Variants in CCDC13 observed in about 807,000 individuals in gnomAD.
CCDC13 encodes coiled-coil domain containing 13, also known as coiled-coil domain-containing protein 13.
Under a neutral mutation model 87.3 loss-of-function variants are expected in CCDC13, and 70 were observed. That is an observed-to-expected ratio of 0.80 (90% confidence interval 0.66 to 0.98). The LOEUF is 0.98. Among genes scored for constraint, CCDC13 ranks in the 50% least tolerant of loss-of-function variants. The probability of loss-of-function intolerance (pLI) is 0.00; values close to 1 mark genes in which losing one functional copy is unlikely to be tolerated. For synonymous variants in CCDC13, 317 were observed against 360.3 expected, an observed-to-expected ratio of 0.88 and a Z score of 1.36; for missense variants, 842 against 892.0, an observed-to-expected ratio of 0.94 and a Z score of 0.71.
At chr3:42,754,445 G>A (rs1699660782) in intron 3 of CCDC13, among the ~76,000 whole-genome samples, 1 of 152,172 alleles carries the variant, frequency 6.6e-6, no homozygotes. Flanking sequence ...TTGTGTGTCA[G>A]GAGGGTAACG....
At chr3:42,737,022 T>A (rs1699044508) in intron 9 of CCDC13, among the ~76,000 whole-genome samples, 1 of 152,198 alleles carries the variant, frequency 6.6e-6, no homozygotes, top group Non-Finnish European at 1.5e-5. Context: ...CATCAACTCA[T>A]CATTTACATT....
Position 42,737,257 on chromosome 3 carries a change from G to GGCTGCATATT in CCDC13, c.1165-1354_1165-1345dup, listed in dbSNP as rs1315624831. 2.0e-4 allele frequency among the ~76,000 whole-genome samples: 30 copies of GGCTGCATATT among 152,220 alleles called. No individual in the cohort carries two copies. The East Asian group carries it at 5.8e-3, about 29-fold the overall frequency. On this transcript the variant is annotated intron_variant, in intron 9 of 15. Coordinates refer to ENST00000310232, the MANE Select transcript of CCDC13 (RefSeq NM_144719.4). Reference sequence around the variant, plus strand: ...AGGACATGAACTCATCCTTTTTTATGGCTGCATATTATTCCATGGTGTACA... The same window carrying GGCTGCATATT: ...AGGACATGAACTCATCCTTTTTTATGGCTGCATATTGCTGCATATTATTCCATGGTGTACA...
rs1698207698 is a variant in CCDC13 at position 42,707,650 on chromosome 3, C to A, written c.*1330G>T. On this transcript the variant is annotated 3_prime_UTR_variant, in exon 16 of 16. Coordinates refer to ENST00000310232, the MANE Select transcript of CCDC13 (RefSeq NM_144719.4). ...CTGCATTTGTGCATCACTGCACAAGCAACACACAAGTGGCTATGTCTTCAC... is the reference window on the plus strand; with the variant it reads ...CTGCATTTGTGCATCACTGCACAAGAAACACACAAGTGGCTATGTCTTCAC... Among the ~76,000 whole-genome samples, 1 of 152,232 alleles carries A rather than the reference C, an allele frequency of 6.6e-6. No homozygotes were observed. The highest frequency in any genetic ancestry group is 6.5e-5 in the Admixed American group (1 of 15,292).
Position 42,746,167 on chromosome 3 carries a change from G to A in CCDC13, c.721-140C>T, listed in dbSNP as rs112998491. On this transcript the variant is annotated intron_variant, in intron 6 of 15. Transcript: ENST00000310232. ...CCCATCTCAGAGCATAGCCCTCAAA[G>A]GTCAGTTTTCCATGTCCCAAGGGCA... The A allele has an allele frequency of 2.1e-4, 142 of 667,914 alleles. No homozygotes were observed. In the African/African-American group the frequency reaches 2.3e-3, roughly 11 times the overall value. The allele number at this position is 667,914 out of a possible 1,614,324, so 41.4% of individuals were successfully genotyped here. A position where few individuals can be genotyped will look rare whatever the true frequency, so the allele number is the denominator to read the frequency against.
intron 5 of CCDC13, among the ~76,000 whole-genome samples, chr3:42,747,856 C>T (rs537381563): frequency 4.6e-5 from 7 of 152,314 alleles, no homozygotes; most frequent in South Asian, 2.1e-4. Flanking sequence ...GCAAGCCCAG[C>T]GTGGCAGGAG....
intron 13 of CCDC13, chr3:42,719,611 T>C (rs1385567627): frequency 1.3e-5 from 2 of 152,162 alleles, no homozygotes; most frequent in East Asian, 3.8e-4. Context: ...TAAGCCTGCT[T>C]TTCAAGACGG....
chr3:42,747,486 G>T, intron 5 of CCDC13, 113 bp from the exon 6 acceptor site: 1 of 763,836 alleles, frequency 1.3e-6, no homozygotes, highest in Non-Finnish European at 2.2e-6. Context: ...TGTTTGACAT[G>T]GAAGAACTCA....
At chr3:42,744,575 G>A (rs903688594) in intron 7 of CCDC13, among the ~76,000 whole-genome samples, 3 of 152,090 alleles carry the variant, frequency 2.0e-5, no homozygotes, top group Non-Finnish European at 4.4e-5. Flanking sequence ...GCAAGCCGAG[G>A]TGGGCGGATC....
intron 3 of CCDC13, among the ~76,000 whole-genome samples, chr3:42,756,718 G>T (rs1404952882): frequency 6.6e-6 from 1 of 152,082 alleles, no homozygotes; most frequent in Non-Finnish European, 1.5e-5. Context: ...GCACCAAGGA[G>T]AAATGGATCC....
intron 1 of CCDC13, among the ~76,000 whole-genome samples, chr3:42,767,308 A>G (rs1699950725): frequency 2.0e-5 from 3 of 152,260 alleles, no homozygotes. Context: ...TTAAAAATGC[A>G]ATGCCATTTA....
rs1399769535 is a variant in CCDC13 at position 42,733,576 on chromosome 3, T to C, written c.1405A>G (p.Ser469Gly). The change falls in exon 11 of 16, where the codon AGT becomes GGT. Residue 469 changes from serine to glycine, a missense_variant. Coordinates refer to ENST00000310232, the MANE Select transcript of CCDC13 (RefSeq NM_144719.4). ...LRNKGVGEGS[S>G]GREVSPAYTQ... Reference sequence around the variant, plus strand: ...TAGGCAGGGCTGACCTCGCGGCCACTGGACCCCTCACCCACTCCTTTATTC... The same window carrying C: ...TAGGCAGGGCTGACCTCGCGGCCACCGGACCCCTCACCCACTCCTTTATTC... The C allele has an allele frequency of 7.4e-6, 12 of 1,612,716 alleles. No individual in the cohort carries two copies. Among genetic ancestry groups the C allele is most frequent in the Non-Finnish European group, 8.5e-6 (10 of 1,179,344 alleles).
intron 13 of CCDC13, among the ~76,000 whole-genome samples, chr3:42,724,295 G>C (rs1044287366): frequency 6.6e-6 from 1 of 152,200 alleles, no homozygotes; most frequent in African/African-American, 2.4e-5. Flanking sequence ...CAGTTGCTCA[G>C]CCCAGATACC....
At chr3:42,765,037 T>G (rs1444925073) in intron 1 of CCDC13, among the ~76,000 whole-genome samples, 1 of 152,188 alleles carries the variant, frequency 6.6e-6, no homozygotes, top group Non-Finnish European at 1.5e-5. Flanking sequence ...TTTCTCCTTT[T>G]CTACTCCCAA....
At chr3:42,713,950 G>A (rs1193846393) in intron 13 of CCDC13, 2 of 152,162 alleles carry the variant, frequency 1.3e-5, no homozygotes, top group African/African-American at 4.8e-5. Context: ...TGGAGGTTCC[G>A]GGGGAAAATC....
In CCDC13 at chr3:42,713,281, T is replaced by G; in HGVS notation, c.1754A>C (p.Glu585Ala). Residue 585 changes from glutamate to alanine, a missense_variant, in exon 14 of 16, where the codon GAG becomes GCG. Glu to Ala is a moderately radical substitution (Grantham distance 107, BLOSUM62 -1). Coordinates refer to ENST00000310232, the MANE Select transcript of CCDC13 (RefSeq NM_144719.4). Reference sequence around the variant, plus strand: ...GTGTCGCTCCTCCTGCAGCTTCCTCTCTGACTCCAGGAGCTTGCTGTTGCT... The same window carrying G: ...GTGTCGCTCCTCCTGCAGCTTCCTCGCTGACTCCAGGAGCTTGCTGTTGCT... ...EESNSKLLES[E>A]RKLQEERHRT... 1 of 1,614,114 alleles carries G rather than the reference T, an allele frequency of 6.2e-7. No homozygotes were observed. Among genetic ancestry groups the G allele is most frequent in the Non-Finnish European group, 8.5e-7 (1 of 1,180,010 alleles).
chr3:42,734,614 C>T (rs1463447671), intron 10 of CCDC13, among the ~76,000 whole-genome samples: 1 of 152,258 alleles, frequency 6.6e-6, no homozygotes, highest in Non-Finnish European at 1.5e-5. Context: ...CAGACTGAGG[C>T]AGGGCCGAGG....
intron 14 of CCDC13, among the ~76,000 whole-genome samples, chr3:42,712,955 G>A (rs951885004): frequency 1.3e-5 from 2 of 152,230 alleles, no homozygotes; most frequent in Non-Finnish European, 2.9e-5. Context: ...GGCCACACGA[G>A]GCAATGGAGC....
At chr3:42,752,058 C>CACAA in intron 4 of CCDC13, 33 bp from the exon 5 acceptor site, 1 of 1,580,242 alleles carries the variant, frequency 6.3e-7, no homozygotes, top group Non-Finnish European at 8.6e-7. Flanking sequence ...TAATACTCTG[C>CACAA]TCAGCGATTG....
Position 42,756,914 on chromosome 3 carries a change from C to T in CCDC13, c.370+152G>A, listed in dbSNP as rs1351928108. On this transcript the variant is annotated intron_variant, in intron 3 of 15. Transcript: ENST00000310232. ...CCTGGGGCTGCTCTTTTCCTCTACCCTCTCCCTCACTTCCAGGACTCCTCT... is the reference window on the plus strand; with the variant it reads ...CCTGGGGCTGCTCTTTTCCTCTACCTTCTCCCTCACTTCCAGGACTCCTCT... The T allele has an allele frequency of 8.2e-6, 6 of 729,616 alleles. No individual in the cohort carries two copies. The African/African-American group carries it at 1.1e-4, about 13-fold the overall frequency. 45.2% of individuals were successfully genotyped at this position (729,616 alleles called of 1,614,324 possible). A position where few individuals can be genotyped will look rare whatever the true frequency, so the allele number is the denominator to read the frequency against.
Sources: allele counts gnomAD v4.1 joint callset (sites outside exome capture counted in the v4.1 genomes callset), GRCh38; gene constraint gnomAD v4.1.1; transcripts MANE v1.5; gene names NCBI Gene and HGNC (gene_info 2026-07-23, HGNC 2026-07-21).